The following IFIH1 variants were observed in gnomAD, a reference collection of about 807,000 sequenced individuals.
The protein encoded by IFIH1 is interferon induced with helicase C domain 1.
A neutral mutation model predicts 107.4 loss-of-function variants in IFIH1; 125 were observed. The observed-to-expected ratio is 1.16, with a 90% CI of 1.01 to 1.35. The LOEUF (loss-of-function observed/expected upper bound fraction) is 1.35, where lower values mean the gene tolerates loss of function less well. IFIH1 is among the 40% of genes most tolerant of loss of function. The pLI is 0.00. For synonymous variants in IFIH1, 458 were observed against 413.2 expected (o/e 1.11, Z -1.31); for missense variants, 1,333 against 1,213.7 (o/e 1.10, Z -1.46).
rs1260962788 is a variant in IFIH1, at chr2:162,318,485, C to G, written c.-178G>C. ...TCTCAGGCCGGCGCGCGGGGCTGCA[C>G]TCGCACCTGGGCAGGTGGGCAGGCG... On this transcript the variant is annotated 5_prime_UTR_variant, in exon 1 of 16. Transcript: ENST00000649979. 6 of 560,032 alleles carry G rather than the reference C, an allele frequency of 1.1e-5. No homozygotes were observed. Among genetic ancestry groups the G allele is most frequent in the Non-Finnish European group, 3.1e-6 (1 of 322,210 alleles). 34.7% of individuals were successfully genotyped at this position (560,032 alleles called of 1,614,324 possible).
intron 13 of IFIH1, among the ~76,000 whole-genome samples, chr2:162,271,622 T>A (rs2105191065): frequency 6.6e-6 from 1 of 152,216 alleles, no homozygotes; most frequent in Non-Finnish European, 1.5e-5. Context: ...AAAAAAGAAT[T>A]TCAAAAACTA....
chr2:162,297,247 A>C (rs1048986834), intron 3 of IFIH1, among the ~76,000 whole-genome samples: 1 of 152,132 alleles, frequency 6.6e-6, no homozygotes, highest in Non-Finnish European at 1.5e-5. Flanking sequence ...AGAATTTCTG[A>C]AATTGATTTA....
At chr2:162,278,430 C>T (rs1224658462) in intron 8 of IFIH1, 102 bp from the exon 9 acceptor site, 1 of 659,646 alleles carries the variant, frequency 1.5e-6, no homozygotes, top group Non-Finnish European at 2.4e-6. Context: ...TCTGATTCAT[C>T]TTTGTTTAGA....
At chr2:162,269,005 C>A (rs1241727000) in intron 13 of IFIH1, among the ~76,000 whole-genome samples, 4 of 152,190 alleles carry the variant, frequency 2.6e-5, no homozygotes, top group African/African-American at 9.6e-5. Context: ...GCTAAGCACC[C>A]AAATGCCTTT....
intron 12 of IFIH1, among the ~76,000 whole-genome samples, chr2:162,272,844 T>G (rs1356552176): frequency 6.6e-6 from 1 of 152,160 alleles, no homozygotes; most frequent in Non-Finnish European, 1.5e-5. Flanking sequence ...TCTTAGCACA[T>G]TTTCCCATGG....
intron 2 of IFIH1, among the ~76,000 whole-genome samples, chr2:162,308,910 A>G (rs1683338112): frequency 6.6e-6 from 1 of 152,196 alleles, no homozygotes; most frequent in Non-Finnish European, 1.5e-5. Flanking sequence ...GTCTCACCTA[A>G]ACATTGTCCA....
At chr2:162,296,827 CAAAT>C (rs1683091683) in intron 3 of IFIH1, among the ~76,000 whole-genome samples, 1 of 151,966 alleles carries the variant, frequency 6.6e-6, no homozygotes, top group Non-Finnish European at 1.5e-5. Context: ...TTTCTGCACT[CAAAT>C]AAAAAGAACA....
chr2:162,280,227 G>C, intron 7 of IFIH1, 115 bp from the exon 8 acceptor site: 1 of 647,746 alleles, frequency 1.5e-6, no homozygotes, highest in South Asian at 1.9e-5. Flanking sequence ...GCATAAATAT[G>C]TGGTATAAAA....
At chr2:162,293,336 A>C (rs554406183) in intron 4 of IFIH1, among the ~76,000 whole-genome samples, 1 of 152,126 alleles carries the variant, frequency 6.6e-6, no homozygotes, top group East Asian at 1.9e-4. Flanking sequence ...GGCATATGCC[A>C]GACCAGAAAG....
intron 11 of IFIH1, among the ~76,000 whole-genome samples, chr2:162,275,091 CCAGA>C (rs1691126758): frequency 6.6e-6 from 1 of 152,220 alleles, no homozygotes; most frequent in Non-Finnish European, 1.5e-5. Flanking sequence ...AACAAAAATT[CCAGA>C]CAGTGTCAGA....
intron 10 of IFIH1, 121 bp downstream of exon 10, chr2:162,277,294 A>G (rs1476643829): frequency 2.8e-6 from 2 of 712,974 alleles, no homozygotes; most frequent in Non-Finnish European, 4.6e-6. Flanking sequence ...AAATAGTTCC[A>G]ATCTGAGTGG....
intron 13 of IFIH1, among the ~76,000 whole-genome samples, chr2:162,268,823 C>T (rs2105188569): frequency 6.6e-6 from 1 of 152,138 alleles, no homozygotes; most frequent in Middle Eastern, 3.4e-3. Context: ...TTCTTGATCT[C>T]AGTGATCCAC....
rs759212820 is a variant in IFIH1 at position 162,282,516 on chromosome 2, G to A, written c.1156C>T (p.Arg386Cys). The A allele has an allele frequency of 8.7e-6, 14 of 1,611,394 alleles. No homozygotes were observed. In the African/African-American group the frequency reaches 9.4e-5, roughly 11 times the overall value. Residue 386 changes from arginine to cysteine, a missense_variant, in exon 6 of 16, where the codon CGT becomes TGT. By Grantham distance (180) the Arg-to-Cys change is radical. Coordinates refer to ENST00000649979, the MANE Select transcript of IFIH1 (RefSeq NM_022168.4). Reference sequence around the variant, plus strand: ...GTATCACCACTTAATCCAATAACACGATACCATTTCTTCAAAAATGGTTGG... The same window carrying A: ...GTATCACCACTTAATCCAATAACACAATACCATTTCTTCAAAAATGGTTGG... ...EFQPFLKKWY[R>C]VIGLSGDTQL... is the part of the protein sequence containing the mutation.
intron 13 of IFIH1, among the ~76,000 whole-genome samples, chr2:162,269,695 G>A (rs551231930): frequency 2.6e-5 from 4 of 152,184 alleles, no homozygotes; most frequent in Non-Finnish European, 4.4e-5. Flanking sequence ...CTTTAAGACC[G>A]AGGGAGAAAT....
At chr2:162,312,354 A>G (rs557082530) in intron 1 of IFIH1, among the ~76,000 whole-genome samples, 1 of 152,226 alleles carries the variant, frequency 6.6e-6, no homozygotes, top group East Asian at 1.9e-4. Flanking sequence ...ACTTGAATAT[A>G]TTAACCCAGC....
intron 3 of IFIH1, 109 bp from the exon 4 acceptor site, chr2:162,293,777 A>G: frequency 1.6e-6 from 1 of 610,180 alleles, no homozygotes; most frequent in Non-Finnish European, 2.8e-6. Flanking sequence ...TCAAGTGGGG[A>G]AGGCACACCC....
intron 1 of IFIH1, among the ~76,000 whole-genome samples, chr2:162,312,417 C>G (rs1683398499): frequency 6.6e-6 from 1 of 152,066 alleles, no homozygotes; most frequent in South Asian, 2.1e-4. Context: ...AAATCCGAGG[C>G]ACAGAGATGT....
intron 13 of IFIH1, among the ~76,000 whole-genome samples, chr2:162,270,162 C>T (rs1650185621): frequency 6.6e-6 from 1 of 152,044 alleles, no homozygotes; most frequent in Non-Finnish European, 1.5e-5. Context: ...AAAAAAAGAA[C>T]TCATAATAAA....
intron 2 of IFIH1, among the ~76,000 whole-genome samples, chr2:162,309,124 A>G (rs1027128008): frequency 9.2e-5 from 14 of 152,194 alleles, no homozygotes; most frequent in African/African-American, 3.4e-4. Context: ...AAAACTTATT[A>G]AGGTAAATTC....
Sources: gnomAD v4.1 joint callset for allele counts (sites outside exome capture counted in the v4.1 genomes callset) on GRCh38, gnomAD v4.1.1 for gene constraint, MANE v1.5 for transcripts, NCBI Gene and HGNC (gene_info 2026-07-23, HGNC 2026-07-21) for gene names.